Variants in LRRC43 observed in about 807,000 individuals in gnomAD.
The protein encoded by LRRC43 is leucine-rich repeat-containing protein 43.
Under a neutral mutation model 64.3 loss-of-function variants are expected in LRRC43, and 62 were observed. The ratio of observed to expected loss-of-function variants is 0.96; its 90% CI spans 0.79 to 1.19. The LOEUF (loss-of-function observed/expected upper bound fraction) is 1.19, where lower values mean the gene tolerates loss of function less well. LRRC43 is among the 50% of genes most tolerant of loss of function. LRRC43 has a pLI of 0.00. For synonymous variants in LRRC43, 422 were observed against 382.3 expected (o/e 1.10, Z -1.21); for missense variants, 868 against 845.0 (o/e 1.03, Z -0.34).
intron 4 of LRRC43, among the ~76,000 whole-genome samples, chr12:122,188,942 C>A (rs182530269): frequency 6.6e-6 from 1 of 152,214 alleles, no homozygotes; most frequent in Admixed American, 6.5e-5. Context: ...AGCCTGATGT[C>A]CCCTGAGCAG....
chr12:122,194,327 T>G (rs1953752840), intron 7 of LRRC43, among the ~76,000 whole-genome samples: 1 of 151,066 alleles, frequency 6.6e-6, no homozygotes, highest in Non-Finnish European at 1.5e-5. Context: ...ATCCCAGCAC[T>G]TTGGGAGGCT....
At position 122,200,291 on chromosome 12, in the gene LRRC43, CCTGCTGGCG is replaced by C. The variant is rs1482319434; in HGVS notation, c.1453_1461del (p.Leu485_Ala487del). ...GGGACCTGGTCCCACTGAAGGCCTT[CCTGCTGGCG>C]GGGACCACCGTGACCATCGTGGAGG... is the stretch of plus-strand genomic sequence containing the variant. On this transcript the variant is annotated inframe_deletion, in exon 8 of 12. Transcript: ENST00000339777. The surrounding 1 kb of genome is among the most constrained non-coding windows in gnomAD (Gnocchi z 4.6). The C allele has an allele frequency of 1.9e-6, 3 of 1,612,888 alleles. No homozygotes were observed. In the East Asian group the frequency reaches 6.7e-5, roughly 36 times the overall value.
chr12:122,173,856 C>G, intron 1 of LRRC43: 1 of 1,613,742 alleles, frequency 6.2e-7, no homozygotes, highest in Non-Finnish European at 8.5e-7. Flanking sequence ...CTTTCAAAAG[C>G]ATCTTCGAGA....
upstream of LRRC43, among the ~76,000 whole-genome samples, chr12:122,181,415 C>T (rs1302051402): frequency 1.2e-4 from 18 of 145,354 alleles, no homozygotes; most frequent in South Asian, 3.3e-3. Context: ...TGGTGGCGGG[C>T]GCCTGTAGTC....
intron 6 of LRRC43, 76 bp downstream of exon 6, chr12:122,191,643 C>A: frequency 1.7e-6 from 2 of 1,149,054 alleles, no homozygotes; most frequent in East Asian, 2.5e-5. Flanking sequence ...CCAGGAAAAT[C>A]CTTTTAATTA....
At chr12:122,172,745 TGG>T (rs758765728) in intron 1 of LRRC43, 1 of 1,598,816 alleles carries the variant, frequency 6.3e-7, no homozygotes, top group Non-Finnish European at 8.5e-7. Context: ...CCTCCACCTG[TGG>T]AATGAGGAGA....
rs760588122 is a variant in LRRC43, at chr12:122,200,189, G to A, written c.1350G>A (p.Gly450=). 6.2e-7 allele frequency: 1 copy of A among 1,613,242 alleles called. No homozygotes were observed. ...CCGTCTTCATCCCTCCCTCCCCAAG[G>A]ACTGTCCTCTTCAGCACTGCCCACA... ...RIDPRLCPSP[G]TVLFSTAHKP... is the part of the protein sequence containing the mutation. The change falls in exon 8 of 12, where the codon GGG becomes GGA. Residue 450 remains glycine, a splice_region_variant and synonymous_variant. Transcript: ENST00000339777. The surrounding 1 kb of genome is among the most constrained non-coding windows in gnomAD (Gnocchi z 4.6).
At chr12:122,168,983 G>T (rs1439084304) in intron 1 of LRRC43, among the ~76,000 whole-genome samples, 1 of 152,182 alleles carries the variant, frequency 6.6e-6, no homozygotes, top group African/African-American at 2.4e-5. Context: ...ATGGGACTGG[G>T]ATGGTGGTTT....
upstream of LRRC43, among the ~76,000 whole-genome samples, chr12:122,180,145 G>A (rs544893866): frequency 6.6e-6 from 1 of 152,226 alleles, no homozygotes; most frequent in African/African-American, 2.4e-5. Flanking sequence ...GCAACATGAG[G>A]TCACAGAAAC....
At chr12:122,187,571 G>T in intron 3 of LRRC43, 130 bp from the exon 4 acceptor site, 1 of 655,666 alleles carries the variant, frequency 1.5e-6, no homozygotes, top group Admixed American at 3.1e-5. Context: ...GAGTCGGGGT[G>T]GTGCCAGGGA....
At chr12:122,194,566 C>CA (rs558202112) in intron 7 of LRRC43, among the ~76,000 whole-genome samples, 1,115 of 93,654 alleles carry the variant, frequency 0.012, 9 homozygotes, top group East Asian at 0.021. Flanking sequence ...AGCTCCGTCT[C>CA]AAAAAAAAAA....
intron 1 of LRRC43, among the ~76,000 whole-genome samples, chr12:122,171,409 C>A (rs1334659382): frequency 1.3e-5 from 2 of 152,216 alleles, no homozygotes; most frequent in African/African-American, 4.8e-5. Context: ...TGCTTTGTCT[C>A]TGGAGTGAGT....
chr12:122,183,844 C>T (rs1487913279), intron 1 of LRRC43, among the ~76,000 whole-genome samples: 3 of 152,138 alleles, frequency 2.0e-5, no homozygotes, highest in African/African-American at 7.2e-5. Context: ...GCGATGTCGA[C>T]TTACTGCAAC....
chr12:122,177,851 A>T (rs866865298), intron 1 of LRRC43, among the ~76,000 whole-genome samples: 2 of 58,062 alleles, frequency 3.4e-5, no homozygotes, highest in East Asian at 1.3e-3. Context: ...TTTATTTATT[A>T]TTTTGAGATG....
chr12:122,200,567 C>T lies in LRRC43; in HGVS notation c.1527C>T (p.Asp509=), dbSNP rs750850247. 6.3e-7 allele frequency: 1 copy of T among 1,575,426 alleles called. No homozygotes were observed. Among genetic ancestry groups the T allele is most frequent in the Admixed American group, 1.7e-5 (1 of 59,486 alleles). ...GGCCTGTGGTGCTACCTGCTGTTGA[C>T]AGTCCCCTGTCTGCCAAGAAAGGAA... ...LSWPVVLPAV[D]SPLSAKKGKG... Residue 509 remains aspartate, a synonymous_variant, in exon 9 of 12, where the codon GAC becomes GAT. Transcript: ENST00000339777. The surrounding 1 kb of genome is among the most constrained non-coding windows in gnomAD (Gnocchi z 4.6).
Position 122,200,656 on chromosome 12 carries a change from C to G in LRRC43, c.1616C>G (p.Ala539Gly). ...DRTGKGEKEP[A>G]KEWKVLKKKK... The stretch of plus-strand genomic sequence containing the variant: ...ACGGGGAAAGGAGAGAAAGAGCCGG[C>G]CAAGGTACCGGGCCTTGGTGCTGGG... Residue 539 changes from alanine (A) to glycine (G), a missense_variant, in exon 9 of 12, where the codon GCC becomes GGC. Ala to Gly is a moderately conservative substitution (Grantham distance 60). Transcript: ENST00000339777. The surrounding 1 kb of genome is among the most constrained non-coding windows in gnomAD (Gnocchi z 4.6). 1 of 1,609,518 alleles carries G rather than the reference C, an allele frequency of 6.2e-7. No homozygotes were observed. The highest frequency in any genetic ancestry group is 8.5e-7 in the Non-Finnish European group (1 of 1,176,896).
chr12:122,170,346 A>G (rs777442466), intron 1 of LRRC43, among the ~76,000 whole-genome samples: 2 of 151,568 alleles, frequency 1.3e-5, no homozygotes, highest in African/African-American at 2.4e-5. Flanking sequence ...AATGCCTGCT[A>G]CGGGGCCGGG....
intron 7 of LRRC43, among the ~76,000 whole-genome samples, chr12:122,195,807 C>T (rs1040678075): frequency 2.0e-5 from 3 of 152,066 alleles, no homozygotes; most frequent in Middle Eastern, 3.2e-3. Flanking sequence ...AGTTTTCAGC[C>T]GTTATCCTTC....
intron 1 of LRRC43, among the ~76,000 whole-genome samples, chr12:122,171,808 A>G (rs988399745): frequency 1.4e-4 from 22 of 151,936 alleles, no homozygotes; most frequent in African/African-American, 5.3e-4. Flanking sequence ...GGCTCAAGTG[A>G]TCCTCCTGCC....
Sources: allele counts gnomAD v4.1 joint callset (sites outside exome capture counted in the v4.1 genomes callset), GRCh38; gene constraint gnomAD v4.1.1; non-coding constraint Gnocchi (gnomAD v3.1); transcripts MANE v1.5; gene names NCBI Gene and HGNC (gene_info 2026-07-23, HGNC 2026-07-21).